DPEP3: variants seen among roughly 807,000 people sequenced by gnomAD.
The protein encoded by DPEP3 is membrane-bound dipeptidase 3.
In DPEP3, 42 loss-of-function variants were observed where a neutral mutation model predicts 47.5. The observed-to-expected ratio is 0.88, with a 90% CI of 0.69 to 1.14. The LOEUF is 1.14. Among genes scored for constraint, DPEP3 ranks in the 50% most tolerant of loss-of-function variants. DPEP3 has a pLI of 0.00. For synonymous variants in DPEP3, 276 were observed against 270.2 expected, an observed-to-expected ratio of 1.02 and a Z score of -0.21; for missense variants, 560 against 635.0, an observed-to-expected ratio of 0.88 and a Z score of 1.27.
rs1322045399 is a variant in DPEP3, at chr16:67,979,701, G to C, written c.352C>G (p.Arg118Gly). The change falls in exon 2 of 10, where the codon CGA becomes GGA. Residue 118 changes from arginine (R) to glycine (G), a missense_variant. Physicochemically the swap from Arg to Gly is moderately radical, Grantham distance 125 (BLOSUM62 -2). Transcript: ENST00000268793. Reference sequence around the variant, plus strand: ...CTGGTCTGACCATGGCTGAAATTTCGCAGGTTAACATCCTGAAGCACATTC... The same window carrying C: ...CTGGTCTGACCATGGCTGAAATTTCCCAGGTTAACATCCTGAAGCACATTC... Reference protein sequence around the residue: ...YKNVLQDVNLRNFSHGQTSLD... With the variant: ...YKNVLQDVNLGNFSHGQTSLD... 6.2e-7 allele frequency: 1 copy of C among 1,613,964 alleles called. No homozygotes were observed. Among genetic ancestry groups the C allele is most frequent in the African/African-American group, 1.3e-5 (1 of 74,898 alleles).
intron 7 of DPEP3, 147 bp from the exon 8 acceptor site, chr16:67,976,922 G>A (rs894536717): frequency 2.8e-6 from 2 of 706,980 alleles, no homozygotes; most frequent in Non-Finnish European, 4.8e-6. Flanking sequence ...GCTGGTCACT[G>A]GACCTAGAGT....
rs749985445 is a variant in DPEP3 at position 67,977,259 on chromosome 16, G to A, written c.1018+11C>T. On this transcript the variant is annotated intron_variant, in intron 7 of 9. Transcript: ENST00000268793. The stretch of plus-strand genomic sequence containing the variant: ...CAAGCCAGCACTGCACAAAGCTGAG[G>A]TGGGACTTACCTGCCACAGTGGACA... 4 of 1,613,218 alleles carry A rather than the reference G, an allele frequency of 2.5e-6. No homozygotes were observed. The highest frequency in any genetic ancestry group is 3.4e-6 in the Non-Finnish European group (4 of 1,179,520).
In DPEP3 at chr16:67,978,719, T is replaced by G. The variant is rs1453070135; in HGVS notation, c.415-93A>C. The stretch of plus-strand genomic sequence containing the variant: ...TGCCTCAGACCCCATAACACCCATT[T>G]GGGTCAGTGGCCCCAAGTGAGGCAC... On this transcript the variant is annotated intron_variant, in intron 2 of 9. Coordinates refer to ENST00000268793, the MANE Select transcript of DPEP3 (RefSeq NM_001370198.1). This position sits in a 1 kb window ranked among gnomAD's most constrained non-coding sequence, Gnocchi z 4.4. 2 of 1,515,830 alleles carry G rather than the reference T, an allele frequency of 1.3e-6. No individual in the cohort carries two copies. Among genetic ancestry groups the G allele is most frequent in the Non-Finnish European group, 1.8e-6 (2 of 1,117,186 alleles). The allele number at this position is 1,515,830 out of a possible 1,614,324, so 93.9% of individuals were successfully genotyped here. A position where few individuals can be genotyped will look rare whatever the true frequency, so the allele number is the denominator to read the frequency against.
In DPEP3 at chr16:67,977,296, A is replaced by G. The variant is rs772443063; in HGVS notation, c.992T>C (p.Leu331Pro). The G allele has an allele frequency of 2.4e-5, 39 of 1,613,850 alleles. No homozygotes were observed. In the Admixed American group the frequency reaches 6.3e-4, roughly 26 times the overall value. Residue 331 changes from leucine to proline, a missense_variant, in exon 7 of 10, where the codon CTG (leucine) becomes CCG (proline). Leu to Pro is a moderately conservative substitution (Grantham distance 98, BLOSUM62 -3). Transcript: ENST00000268793. ...TLSMGVLQCNLLANVSTVADH... is the reference protein window; with the variant it reads ...TLSMGVLQCNPLANVSTVADH... ...TGCCACAGTGGACACGTTAGCAAGCAGGTTGCACTGCAGCACCCCCATGGA... is the reference window on the plus strand; with the variant it reads ...TGCCACAGTGGACACGTTAGCAAGCGGGTTGCACTGCAGCACCCCCATGGA...
In DPEP3 at chr16:67,978,163, C is replaced by G; in HGVS notation, c.686+104G>C. The G allele has an allele frequency of 6.3e-7, 1 of 1,593,222 alleles. No homozygotes were observed. Among genetic ancestry groups the G allele is most frequent in the Non-Finnish European group, 8.6e-7 (1 of 1,165,284 alleles). On this transcript the variant is annotated intron_variant, in intron 4 of 9. Transcript: ENST00000268793. The surrounding 1 kb of genome is among the most constrained non-coding windows in gnomAD (Gnocchi z 4.4). Reference sequence around the variant, plus strand: ...GGGACCCACTGGGTGTCCAGCCTCCCTCTGCGGACCCCTTCATCCTCAACG... The same window carrying G: ...GGGACCCACTGGGTGTCCAGCCTCCGTCTGCGGACCCCTTCATCCTCAACG...
intron 1 of DPEP3, 144 bp from the exon 2 acceptor site, chr16:67,979,909 G>C (rs2031285957): frequency 7.0e-6 from 10 of 1,418,588 alleles, no homozygotes; most frequent in Non-Finnish European, 9.5e-6. Flanking sequence ...TGGAGGGAGG[G>C]GGTTAGATTC....
At chr16:67,977,128 C>T (rs1194402354) in intron 7 of DPEP3, 142 bp downstream of exon 7, 3 of 707,532 alleles carry the variant, frequency 4.2e-6, no homozygotes, top group African/African-American at 3.5e-5. Flanking sequence ...CTGGGTGGCA[C>T]TGAAGAGCTG....
At position 67,980,432 on chromosome 16, in the gene DPEP3, G is replaced by A; in HGVS notation, c.-52C>T. On this transcript the variant is annotated 5_prime_UTR_variant, in exon 1 of 10. Transcript: ENST00000268793. Reference sequence around the variant, plus strand: ...CTGGGAGGAGCAGGCGATGGGCAGAGGCCGACAATGGGGTCCGGATCATGA... The same window carrying A: ...CTGGGAGGAGCAGGCGATGGGCAGAAGCCGACAATGGGGTCCGGATCATGA... 1 of 1,476,014 alleles carries A rather than the reference G, an allele frequency of 6.8e-7. No homozygotes were observed. The highest frequency in any genetic ancestry group is 9.0e-7 in the Non-Finnish European group (1 of 1,114,130). The allele number at this position is 1,476,014 out of a possible 1,614,324, so 91.4% of individuals were successfully genotyped here. A position where few individuals can be genotyped will look rare whatever the true frequency, so the allele number is the denominator to read the frequency against.
rs2031247829 is a variant in DPEP3, at chr16:67,978,371, G to A, written c.582C>T (p.Gly194=). 4.3e-6 allele frequency: 7 copies of A among 1,613,942 alleles called. No individual in the cohort carries two copies. The highest frequency in any genetic ancestry group is 5.9e-6 in the Non-Finnish European group (7 of 1,179,938). ...TGTCCAGTGAGTGACCACCCTCCAC[G>A]CCAATGAGGCAGGCCAGCTTTTGAG... is the stretch of plus-strand genomic sequence containing the variant. ...NSSQKLACLI[G]VEGGHSLDSS... The change falls in exon 4 of 10, where the codon GGC becomes GGT. Residue 194 remains glycine (G), a synonymous_variant. Transcript: ENST00000268793. The surrounding 1 kb of genome is among the most constrained non-coding windows in gnomAD (Gnocchi z 4.4).
rs772208844 is a variant in DPEP3, at chr16:67,976,793, G to T, written c.1019-18C>A. 2.5e-6 allele frequency: 4 copies of T among 1,611,984 alleles called. No individual in the cohort carries two copies. In the South Asian group the frequency reaches 3.3e-5, roughly 13 times the overall value. ...AAAGTGATCTAGGGTGGAGGTGAGG[G>T]TGGGCAGCACTAGGCTAGTTAGACC... On this transcript the variant is annotated intron_variant, in intron 7 of 9. Coordinates refer to ENST00000268793, the MANE Select transcript of DPEP3 (RefSeq NM_001370198.1).
rs1428339703 is a variant in DPEP3, at chr16:67,978,247, T to C, written c.686+20A>G. The C allele has an allele frequency of 1.9e-6, 3 of 1,613,888 alleles. No individual in the cohort carries two copies. Among genetic ancestry groups the C allele is most frequent in the Non-Finnish European group, 2.5e-6 (3 of 1,179,916 alleles). On this transcript the variant is annotated intron_variant, in intron 4 of 9. Transcript: ENST00000268793. The surrounding 1 kb of genome is among the most constrained non-coding windows in gnomAD (Gnocchi z 4.4). ...TTCCACACCATGCCATCTAGCATCC[T>C]GGCCAGGTGTTATGCTCACCATGGT... is the stretch of plus-strand genomic sequence containing the variant.
chr16:67,979,556 C>A, intron 2 of DPEP3, 83 bp downstream of exon 2: 1 of 1,580,262 alleles, frequency 6.3e-7, no homozygotes, highest in African/African-American at 1.3e-5. Context: ...ATTTAGTCAC[C>A]CAGAGGCTGG....
chr16:67,977,649 T>G lies in DPEP3; in HGVS notation c.933+4A>C. 2 of 1,608,992 alleles carry G rather than the reference T, an allele frequency of 1.2e-6. No homozygotes were observed. Among genetic ancestry groups the G allele is most frequent in the Non-Finnish European group, 1.7e-6 (2 of 1,177,692 alleles). On this transcript the variant is annotated splice_donor_region_variant and intron_variant, in intron 6 of 9. Coordinates refer to ENST00000268793, the MANE Select transcript of DPEP3 (RefSeq NM_001370198.1). ...CTAGTTTGAGAGCTGGGATGGCCACTCACCAGAAGCTGCAGGATATCATCG... is the reference window on the plus strand; with the variant it reads ...CTAGTTTGAGAGCTGGGATGGCCACGCACCAGAAGCTGCAGGATATCATCG...
chr16:67,978,186 A>T lies in DPEP3; in HGVS notation c.686+81T>A. 1 of 1,604,494 alleles carries T rather than the reference A, an allele frequency of 6.2e-7. No individual in the cohort carries two copies. Among genetic ancestry groups the T allele is most frequent in the Non-Finnish European group, 8.5e-7 (1 of 1,173,412 alleles). On this transcript the variant is annotated intron_variant, in intron 4 of 9. Transcript: ENST00000268793. This position sits in a 1 kb window ranked among gnomAD's most constrained non-coding sequence, Gnocchi z 4.4. Reference sequence around the variant, plus strand: ...CCCTCTGCGGACCCCTTCATCCTCAACGGCTTGGTCACACCCATGCCAGGA... The same window carrying T: ...CCCTCTGCGGACCCCTTCATCCTCATCGGCTTGGTCACACCCATGCCAGGA...
Position 67,975,915 on chromosome 16 carries a change from C to A in DPEP3, c.1317G>T (p.Val439=), listed in dbSNP as rs1325254594. 15 of 1,613,954 alleles carry A rather than the reference C, an allele frequency of 9.3e-6. No individual in the cohort carries two copies. Among genetic ancestry groups the A allele is most frequent in the Non-Finnish European group, 1.3e-5 (15 of 1,179,868 alleles). ...QLSTSCHSHL[V]PQNGHQATHL... is the part of the protein sequence containing the mutation. ...GAGTAGCCTGGTGTCCATTCTGAGGCACGAGGTGGGAGTGGCAGGATGTGC... is the reference window on the plus strand; with the variant it reads ...GAGTAGCCTGGTGTCCATTCTGAGGAACGAGGTGGGAGTGGCAGGATGTGC... Residue 439 remains valine (V), a synonymous_variant, in exon 10 of 10, where the codon GTG becomes GTT. Transcript: ENST00000268793.
intron 7 of DPEP3, 70 bp from the exon 8 acceptor site, chr16:67,976,845 C>G: frequency 7.3e-7 from 1 of 1,370,096 alleles, no homozygotes; most frequent in Non-Finnish European, 1.0e-6. Context: ...CCCCAGCACT[C>G]CAGGCTGTGG....
rs2031275272 is a variant in DPEP3, at chr16:67,979,555, C to T, written c.414+84G>A. 3 of 1,574,520 alleles carry T rather than the reference C, an allele frequency of 1.9e-6. No homozygotes were observed. In the South Asian group the frequency reaches 3.5e-5, roughly 18 times the overall value. On this transcript the variant is annotated intron_variant, in intron 2 of 9. Transcript: ENST00000268793. ...CTGCATGCCCCATTGTATTTAGTCA[C>T]CCAGAGGCTGGCTGACCCAGGTTTC...
chr16:67,979,664 A>G lies in DPEP3; in HGVS notation c.389T>C (p.Leu130Pro), dbSNP rs1207964421. Residue 130 changes from leucine (L) to proline (P), a missense_variant, in exon 2 of 10, where the codon CTT becomes CCT. Leu to Pro is a moderately conservative substitution (Grantham distance 98, BLOSUM62 -3). Transcript: ENST00000268793. ...CTGGGCACCCACGAGGCCGTCTCTA[A>G]GCCTGTCCAGGCTGGTCTGACCATG... Reference protein sequence around the residue: ...FSHGQTSLDRLRDGLVGAQFW... With the variant: ...FSHGQTSLDRPRDGLVGAQFW... The G allele has an allele frequency of 1.9e-6, 3 of 1,614,082 alleles. No homozygotes were observed. Among genetic ancestry groups the G allele is most frequent in the Non-Finnish European group, 2.5e-6 (3 of 1,180,004 alleles).
At position 67,975,695 on chromosome 16, in the gene DPEP3, C is replaced by G; in HGVS notation, c.*70G>C. On this transcript the variant is annotated 3_prime_UTR_variant, in exon 10 of 10. Transcript: ENST00000268793. Reference sequence around the variant, plus strand: ...GTAACATGTTTATTCTCAGCATATGCTTGTGAATGAACTAGGAGAGGGGGC... The same window carrying G: ...GTAACATGTTTATTCTCAGCATATGGTTGTGAATGAACTAGGAGAGGGGGC... 2 of 1,394,058 alleles carry G rather than the reference C, an allele frequency of 1.4e-6. No individual in the cohort carries two copies. Among genetic ancestry groups the G allele is most frequent in the Admixed American group, 2.0e-5 (1 of 49,942 alleles). The allele number at this position is 1,394,058 out of a possible 1,614,324, so 86.4% of individuals were successfully genotyped here.
Sources: allele counts gnomAD v4.1 joint callset, GRCh38; gene constraint gnomAD v4.1.1; non-coding constraint Gnocchi (gnomAD v3.1); transcripts MANE v1.5; gene names NCBI Gene and HGNC (gene_info 2026-07-23, HGNC 2026-07-21).